HECW1: variants seen among roughly 807,000 people sequenced by gnomAD.
HECW1 encodes the protein E3 ubiquitin-protein ligase HECW1.
HECW1 carries 61 observed loss-of-function variants against 182.3 expected under a neutral mutation model. That is an observed-to-expected ratio of 0.33 (90% CI 0.27 to 0.41). HECW1 has a LOEUF of 0.41. Among genes scored for constraint, HECW1 ranks in the 10% least tolerant of loss-of-function variants. The pLI is 1.00. For synonymous variants in HECW1, 859 were observed against 832.6 expected (o/e 1.03, Z -0.55); for missense variants, 1,739 against 2,108.9 (o/e 0.82, Z 3.44).
chr7:43,515,485 T>A (rs2080101642), intron 24 of HECW1, among the ~76,000 whole-genome samples: 1 of 152,108 alleles, frequency 6.6e-6, no homozygotes, highest in African/African-American at 2.4e-5. Context: ...ATGGAAAGAT[T>A]TTTCAGAAGG....
At chr7:43,231,788 G>A (rs1383291299) in intron 2 of HECW1, among the ~76,000 whole-genome samples, 1 of 151,946 alleles carries the variant, frequency 6.6e-6, no homozygotes, top group Non-Finnish European at 1.5e-5. Context: ...AGGCCAAGGT[G>A]GGCGGATCAC....
intron 3 of HECW1, among the ~76,000 whole-genome samples, chr7:43,296,576 C>G (rs1004324734): frequency 6.6e-6 from 1 of 152,190 alleles, no homozygotes; most frequent in Non-Finnish European, 1.5e-5. Flanking sequence ...CCTCTCTCAA[C>G]CCTGGTGCTC....
At chr7:43,528,758 C>T (rs960793868) in intron 24 of HECW1, among the ~76,000 whole-genome samples, 3 of 152,188 alleles carry the variant, frequency 2.0e-5, no homozygotes, top group Admixed American at 6.5e-5. Flanking sequence ...CAGGGCTAGA[C>T]ATTCATTTCA....
intron 13 of HECW1, among the ~76,000 whole-genome samples, chr7:43,459,827 T>C (rs2077522700): frequency 6.6e-6 from 1 of 152,236 alleles, no homozygotes; most frequent in Non-Finnish European, 1.5e-5. Context: ...CATGAGCCAC[T>C]GTGCCCAGCC....
intron 8 of HECW1, among the ~76,000 whole-genome samples, chr7:43,428,899 T>C (rs1400828460): frequency 1.3e-5 from 2 of 152,056 alleles, no homozygotes; most frequent in Non-Finnish European, 2.9e-5. Flanking sequence ...GATATACATA[T>C]GGATATAAAT....
chr7:43,541,111 T>G, intron 24 of HECW1, 52 bp from the exon 25 acceptor site: 9 of 1,385,406 alleles, frequency 6.5e-6, no homozygotes, highest in Non-Finnish European at 9.3e-6. Flanking sequence ...ACTAAAATAT[T>G]TAACAATGTA....
chr7:43,408,374 C>A (rs34938337), intron 8 of HECW1, among the ~76,000 whole-genome samples: 72,939 of 151,800 alleles, frequency 0.48, 18,930 homozygotes, highest in East Asian at 0.82. Context: ...GAGGGTCCTC[C>A]AAGTTCTCTC....
intron 8 of HECW1, among the ~76,000 whole-genome samples, chr7:43,417,576 G>T (rs1231952594): frequency 1.3e-5 from 2 of 151,972 alleles, no homozygotes; most frequent in Non-Finnish European, 2.9e-5. Flanking sequence ...GAAAAAATAT[G>T]GTTCCGCCCA....
chr7:43,454,608 G>T (rs2077339253), intron 12 of HECW1, among the ~76,000 whole-genome samples: 2 of 152,136 alleles, frequency 1.3e-5, no homozygotes, highest in South Asian at 4.1e-4. Flanking sequence ...CATAAGTTAA[G>T]TTTGGTGTTT....
rs560013004 is a variant in HECW1 at position 43,167,321 on chromosome 7, C to T, written c.-32+52930C>T. ...ATGTCTCTGTGTCTTCTCTTCTATTCGAGGAATACTAGTCATTGCACTTAG... is the reference window on the plus strand; with the variant it reads ...ATGTCTCTGTGTCTTCTCTTCTATTTGAGGAATACTAGTCATTGCACTTAG... On this transcript the variant is annotated intron_variant, in intron 2 of 29. Coordinates refer to ENST00000395891, the MANE Select transcript of HECW1 (RefSeq NM_015052.5). 1.8e-3 allele frequency among the ~76,000 whole-genome samples: 270 copies of T among 152,232 alleles called. 4 individuals carry two copies. Among genetic ancestry groups the T allele is most frequent in the Middle Eastern group, 6.8e-3 (2 of 294 alleles).
intron 2 of HECW1, among the ~76,000 whole-genome samples, chr7:43,170,575 A>C (rs117551526): frequency 6.6e-6 from 1 of 152,124 alleles, no homozygotes; most frequent in East Asian, 1.9e-4. Context: ...GGGACAGCAC[A>C]CTCTCACTGG....
intron 3 of HECW1, among the ~76,000 whole-genome samples, chr7:43,265,028 G>T (rs2152736311): frequency 6.6e-6 from 1 of 152,174 alleles, no homozygotes; most frequent in South Asian, 2.1e-4. Context: ...ATATAGTCAA[G>T]AAATTAGGAA....
chr7:43,250,197 A>G (rs6463178), intron 3 of HECW1, among the ~76,000 whole-genome samples: 6,644 of 152,008 alleles, frequency 0.044, 188 homozygotes, highest in South Asian at 0.11. Context: ...GTAGCATTGT[A>G]TTTGTCTTAA....
At chr7:43,203,882 A>C (rs1583954765) in intron 2 of HECW1, among the ~76,000 whole-genome samples, 1 of 152,248 alleles carries the variant, frequency 6.6e-6, no homozygotes, top group Non-Finnish European at 1.5e-5. Context: ...GTATGTATTT[A>C]ATAGCTGACA....
chr7:43,155,333 A>G (rs925702715), intron 2 of HECW1, among the ~76,000 whole-genome samples: 3 of 152,246 alleles, frequency 2.0e-5, no homozygotes, highest in Non-Finnish European at 4.4e-5. Flanking sequence ...GAATATACCA[A>G]GAGGGCTAGA....
intron 3 of HECW1, among the ~76,000 whole-genome samples, chr7:43,309,447 C>T (rs1440511756): frequency 6.6e-6 from 1 of 152,188 alleles, no homozygotes; most frequent in Non-Finnish European, 1.5e-5. Flanking sequence ...GGACAGTGAT[C>T]ACTGGCGTAA....
intron 5 of HECW1, among the ~76,000 whole-genome samples, chr7:43,321,702 T>C (rs1584473615): frequency 1.3e-5 from 2 of 152,364 alleles, no homozygotes; most frequent in South Asian, 2.1e-4. Context: ...TGGCTAGGAA[T>C]CTGAAGTTAT....
Position 43,311,866 on chromosome 7 carries a change from A to G in HECW1, c.131A>G (p.Asn44Ser), listed in dbSNP as rs766550290. 2 of 1,613,846 alleles carry G rather than the reference A, an allele frequency of 1.2e-6. No individual in the cohort carries two copies. Among genetic ancestry groups the G allele is most frequent in the Non-Finnish European group, 1.7e-6 (2 of 1,180,002 alleles). ...RCKEPLRYSY[N>S]PDQFHNMDLR... The stretch of plus-strand genomic sequence containing the variant: ...AAGGAGCCGCTCCGATACAGCTACA[A>G]CCCCGACCAGTTCCACAACATGGAC... Residue 44 changes from asparagine (N) to serine (S), a missense_variant, in exon 4 of 30, where the codon AAC becomes AGC. Physicochemically the swap from Asn to Ser is conservative, Grantham distance 46. Around this residue, in one of 5 missense-constraint regions of HECW1, gnomAD observed 279 missense variants for 353.1 expected, o/e 0.79. Coordinates refer to ENST00000395891, the MANE Select transcript of HECW1 (RefSeq NM_015052.5).
At chr7:43,456,173 G>A (rs1584961348) in intron 12 of HECW1, 124 bp from the exon 13 acceptor site, 3 of 930,196 alleles carry the variant, frequency 3.2e-6, no homozygotes, top group East Asian at 2.6e-5. Flanking sequence ...TGTGGGCAGG[G>A]TCTGGCCTGC....
Sources: allele counts gnomAD v4.1 joint callset (sites outside exome capture counted in the v4.1 genomes callset), GRCh38; gene constraint gnomAD v4.1.1; regional missense constraint gnomAD v4.1.1; transcripts MANE v1.5; gene names NCBI Gene and HGNC (gene_info 2026-07-23, HGNC 2026-07-21).